DNAJC1: variants seen among roughly 807,000 people sequenced by gnomAD.
DNAJC1 encodes the protein dnaJ homolog subfamily C member 1.
Under a neutral mutation model 76.6 loss-of-function variants are expected in DNAJC1, and 58 were observed. The observed-to-expected ratio is 0.76, with a 90% CI of 0.61 to 0.94. The LOEUF is 0.94. Ranked by LOEUF, DNAJC1 falls within the 40% of genes least tolerant of loss-of-function variation. The pLI is 0.00. For synonymous variants in DNAJC1, 258 were observed against 267.9 expected (o/e 0.96, Z 0.36); for missense variants, 689 against 677.3 (o/e 1.02, Z -0.19).
chr10:21,874,759 T>C (rs1238159390), intron 8 of DNAJC1, among the ~76,000 whole-genome samples: 1 of 152,250 alleles, frequency 6.6e-6, no homozygotes, highest in Non-Finnish European at 1.5e-5. Context: ...GAAGTGTCTG[T>C]GCATTTTTAA....
chr10:21,886,301 T>C (rs907557133), intron 7 of DNAJC1, among the ~76,000 whole-genome samples: 2 of 152,080 alleles, frequency 1.3e-5, no homozygotes, highest in African/African-American at 4.8e-5. Context: ...ATTCCTTGAA[T>C]AGACCAATAA....
At chr10:21,984,709 C>A (rs1253656417) in intron 1 of DNAJC1, among the ~76,000 whole-genome samples, 1 of 152,134 alleles carries the variant, frequency 6.6e-6, no homozygotes, top group African/African-American at 2.4e-5. Flanking sequence ...TATTTGGGAA[C>A]TTTTCTAGAA....
chr10:21,818,589 C>T (rs1170258287), intron 8 of DNAJC1, among the ~76,000 whole-genome samples: 1 of 152,146 alleles, frequency 6.6e-6, no homozygotes, highest in Admixed American at 6.5e-5. Flanking sequence ...TGGGGCATCA[C>T]GGAAACTGCC....
chr10:21,985,711 A>T (rs1029698722), intron 1 of DNAJC1, among the ~76,000 whole-genome samples: 2 of 152,154 alleles, frequency 1.3e-5, no homozygotes, highest in African/African-American at 4.8e-5. Flanking sequence ...TTTTCTACCA[A>T]ATATTAAATA....
chr10:21,789,220 G>A (rs1254072466), intron 9 of DNAJC1, among the ~76,000 whole-genome samples: 1 of 152,152 alleles, frequency 6.6e-6, no homozygotes, highest in Non-Finnish European at 1.5e-5. Flanking sequence ...CCACAACCAC[G>A]AATGTCTACA....
chr10:21,886,333 T>C (rs945436957), intron 7 of DNAJC1, among the ~76,000 whole-genome samples: 1 of 152,104 alleles, frequency 6.6e-6, no homozygotes, highest in African/African-American at 2.4e-5. Context: ...ATTGAATCAG[T>C]AATAAATTAG....
At chr10:21,864,549 G>A (rs1030408660) in intron 8 of DNAJC1, among the ~76,000 whole-genome samples, 1 of 151,950 alleles carries the variant, frequency 6.6e-6, no homozygotes, top group Non-Finnish European at 1.5e-5. Context: ...TTGAACCCGG[G>A]GGGTGGAGGT....
chr10:21,874,732 A>G (rs1836157108), intron 8 of DNAJC1, among the ~76,000 whole-genome samples: 1 of 152,214 alleles, frequency 6.6e-6, no homozygotes, highest in Non-Finnish European at 1.5e-5. Flanking sequence ...CACAAGCTAA[A>G]CAGACTAAAA....
At chr10:21,792,025 GA>G (rs1462760077) in intron 9 of DNAJC1, among the ~76,000 whole-genome samples, 1 of 152,208 alleles carries the variant, frequency 6.6e-6, no homozygotes, top group Admixed American at 6.5e-5. Flanking sequence ...CATCATTAAA[GA>G]AATGAAATCT....
At chr10:21,772,961 G>A (rs571272471) in intron 9 of DNAJC1, among the ~76,000 whole-genome samples, 1 of 152,112 alleles carries the variant, frequency 6.6e-6, no homozygotes, top group Admixed American at 6.5e-5. Context: ...AACAGAGAGC[G>A]AGGGGGAAAT....
rs562169805 is a variant in DNAJC1 at position 21,935,420 on chromosome 10, G to A, written c.223-6279C>T. Among the ~76,000 whole-genome samples, 16 of 152,082 alleles carry A rather than the reference G, an allele frequency of 1.1e-4. No homozygotes were observed. In the South Asian group the frequency reaches 1.5e-3, roughly 14 times the overall value. On this transcript the variant is annotated intron_variant, in intron 1 of 11. Transcript: ENST00000376980. ...ATCAATGAACACTTAGATCAATAGCGATTACCTGATCTGGGGAGCAGAAAG... is the reference window on the plus strand; with the variant it reads ...ATCAATGAACACTTAGATCAATAGCAATTACCTGATCTGGGGAGCAGAAAG...
intron 8 of DNAJC1, among the ~76,000 whole-genome samples, chr10:21,811,664 A>T (rs1185224879): frequency 6.6e-6 from 1 of 152,222 alleles, no homozygotes; most frequent in East Asian, 1.9e-4. Context: ...CAGAAGAAAG[A>T]TCTGTATCCC....
At chr10:21,959,313 A>G (rs989187191) in intron 1 of DNAJC1, among the ~76,000 whole-genome samples, 1 of 151,692 alleles carries the variant, frequency 6.6e-6, no homozygotes, top group Non-Finnish European at 1.5e-5. Context: ...TTTTTAATAG[A>G]GACGGGGTTT....
At chr10:21,814,742 T>G (rs757080656) in intron 8 of DNAJC1, among the ~76,000 whole-genome samples, 1 of 152,180 alleles carries the variant, frequency 6.6e-6, no homozygotes, top group Non-Finnish European at 1.5e-5. Context: ...GACGACGACT[T>G]GAAGAGTATT....
At chr10:21,758,649 G>A (rs1469742350) in intron 11 of DNAJC1, among the ~76,000 whole-genome samples, 1 of 152,264 alleles carries the variant, frequency 6.6e-6, no homozygotes, top group Non-Finnish European at 1.5e-5. Flanking sequence ...AGGTGTACCT[G>A]CTGAGTCCAA....
intron 6 of DNAJC1, among the ~76,000 whole-genome samples, chr10:21,915,970 C>G (rs1189406516): frequency 6.6e-6 from 1 of 151,534 alleles, no homozygotes; most frequent in African/African-American, 2.4e-5. Flanking sequence ...TGGCAAGACC[C>G]TGTCTCTAAA....
chr10:21,959,008 G>C (rs1056993528), intron 1 of DNAJC1, among the ~76,000 whole-genome samples: 1 of 151,876 alleles, frequency 6.6e-6, no homozygotes, highest in African/African-American at 2.4e-5. Context: ...TCAACAGCCC[G>C]GTTTCTCAGT....
intron 1 of DNAJC1, among the ~76,000 whole-genome samples, chr10:21,994,231 G>T (rs1838376722): frequency 6.6e-6 from 1 of 152,218 alleles, no homozygotes; most frequent in Non-Finnish European, 1.5e-5. Flanking sequence ...TGAGGCTAAT[G>T]TGAAGAATAT....
At chr10:21,813,405 TTGAGACG>T (rs1226718972) in intron 8 of DNAJC1, among the ~76,000 whole-genome samples, 2 of 150,272 alleles carry the variant, frequency 1.3e-5, no homozygotes, top group East Asian at 3.9e-4. Context: ...TTTTTTTTTT[TTGAGACG>T]GAGTCTCACT....
Sources: allele counts gnomAD v4.1 joint callset (sites outside exome capture counted in the v4.1 genomes callset), GRCh38; gene constraint gnomAD v4.1.1; transcripts MANE v1.5; gene names NCBI Gene and HGNC (gene_info 2026-07-23, HGNC 2026-07-21).